The following NAALADL2 variants were observed in gnomAD, a reference collection of about 807,000 sequenced individuals.
NAALADL2 encodes inactive N-acetylated-alpha-linked acidic dipeptidase-like protein 2.
NAALADL2 carries 76 observed loss-of-function variants against 87.2 expected under a neutral mutation model. That is an observed-to-expected ratio of 0.87 (90% CI 0.72 to 1.05). The LOEUF is 1.05. Among genes scored for constraint, NAALADL2 ranks in the 50% least tolerant of loss-of-function variants. The pLI, the probability that NAALADL2 is intolerant of heterozygous loss-of-function variation, is 0.00. For synonymous variants in NAALADL2, 354 were observed against 331.0 expected (o/e 1.07, Z -0.75); for missense variants, 1,089 against 945.8 (o/e 1.15, Z -1.99).
At chr3:174,534,768 A>G (rs534938948) in intron 1 of NAALADL2, among the ~76,000 whole-genome samples, 2 of 152,124 alleles carry the variant, frequency 1.3e-5, no homozygotes, top group Non-Finnish European at 2.9e-5. Flanking sequence ...CCCTCTCCAG[A>G]GTTGCTTGGA....
chr3:175,071,287 A>C (rs1337766090), intron 1 of NAALADL2, among the ~76,000 whole-genome samples: 2 of 152,144 alleles, frequency 1.3e-5, no homozygotes, highest in East Asian at 3.9e-4. Flanking sequence ...CTATGCTAAG[A>C]TATTTTAAAT....
chr3:175,114,655 G>A (rs1348273437), intron 2 of NAALADL2, among the ~76,000 whole-genome samples: 1 of 151,498 alleles, frequency 6.6e-6, no homozygotes, highest in Non-Finnish European at 1.5e-5. Flanking sequence ...AAAACTAAAT[G>A]GATATTCTAG....
intron 1 of NAALADL2, among the ~76,000 whole-genome samples, chr3:174,546,675 G>C (rs1263889819): frequency 6.6e-6 from 1 of 151,904 alleles, no homozygotes; most frequent in Non-Finnish European, 1.5e-5. Context: ...GTTTTGTTTT[G>C]TAGACAGAGT....
intron 3 of NAALADL2, among the ~76,000 whole-genome samples, chr3:174,810,753 T>G (rs1027840274): frequency 6.6e-6 from 1 of 152,076 alleles, no homozygotes; most frequent in Non-Finnish European, 1.5e-5. Flanking sequence ...CTGCAGAAAT[T>G]TCTATTACTA....
At chr3:174,728,438 T>C (rs534498171) in intron 2 of NAALADL2, among the ~76,000 whole-genome samples, 3 of 152,202 alleles carry the variant, frequency 2.0e-5, no homozygotes, top group South Asian at 4.1e-4. Flanking sequence ...TATATTCCAA[T>C]AATGCTATTA....
intron 13 of NAALADL2, among the ~76,000 whole-genome samples, chr3:175,791,157 G>A (rs1395032653): frequency 1.3e-5 from 2 of 152,154 alleles, no homozygotes; most frequent in East Asian, 1.9e-4. Flanking sequence ...TTTAATATGA[G>A]GGGAAAAATG....
At chr3:175,428,749 C>T (rs187898896) in intron 5 of NAALADL2, among the ~76,000 whole-genome samples, 1 of 152,194 alleles carries the variant, frequency 6.6e-6, no homozygotes, top group Admixed American at 6.6e-5. Context: ...TCATTGCATC[C>T]TCTTTTAAAG....
intron 5 of NAALADL2, among the ~76,000 whole-genome samples, chr3:175,429,886 A>G (rs1187185179): frequency 2.0e-5 from 3 of 152,026 alleles, no homozygotes; most frequent in Non-Finnish European, 4.4e-5. Context: ...AAAAGAAAGT[A>G]TAATAATAAC....
intron 12 of NAALADL2, among the ~76,000 whole-genome samples, chr3:175,752,102 A>T (rs769825615): frequency 1.3e-5 from 2 of 152,090 alleles, no homozygotes; most frequent in Admixed American, 6.6e-5. Flanking sequence ...ATAATTCAAC[A>T]TTCACTCAAC....
intron 5 of NAALADL2, among the ~76,000 whole-genome samples, chr3:175,422,231 A>G (rs1715829553): frequency 6.6e-6 from 1 of 152,112 alleles, no homozygotes; most frequent in South Asian, 2.1e-4. Flanking sequence ...CGTTGACCTC[A>G]TGGAGTGATT....
At chr3:175,724,181 CGTG>C (rs1471449209) in intron 11 of NAALADL2, among the ~76,000 whole-genome samples, 1 of 152,010 alleles carries the variant, frequency 6.6e-6, no homozygotes, top group East Asian at 1.9e-4. Flanking sequence ...GGTCATATCA[CGTG>C]GTTTAACTGG....
intron 5 of NAALADL2, among the ~76,000 whole-genome samples, chr3:175,335,480 T>C (rs1171712569): frequency 1.3e-5 from 2 of 152,224 alleles, no homozygotes; most frequent in African/African-American, 4.8e-5. Flanking sequence ...CAAAGCAGAC[T>C]CTAAGAACCA....
At chr3:175,225,471 C>T (rs746725149) in intron 2 of NAALADL2, among the ~76,000 whole-genome samples, 22 of 151,786 alleles carry the variant, frequency 1.4e-4, no homozygotes, top group African/African-American at 3.1e-4. Flanking sequence ...TCTTTTAAAA[C>T]GCTTAATTTT....
intron 6 of NAALADL2, among the ~76,000 whole-genome samples, chr3:175,458,028 G>T (rs1722580407): frequency 6.6e-6 from 1 of 151,940 alleles, no homozygotes; most frequent in Non-Finnish European, 1.5e-5. Flanking sequence ...GGCAGTAATA[G>T]CAACTTCAGC....
At chr3:175,210,881 C>G (rs1189729639) in intron 2 of NAALADL2, among the ~76,000 whole-genome samples, 1 of 151,688 alleles carries the variant, frequency 6.6e-6, no homozygotes, top group Non-Finnish European at 1.5e-5. Context: ...TTTAAAATTA[C>G]TATGATTATA....
rs148894984 is a variant in NAALADL2 at position 175,351,443 on chromosome 3, G to A, written c.1090+27118G>A. On this transcript the variant is annotated intron_variant, in intron 5 of 13. Transcript: ENST00000454872. ...GTATGTATATGCACACACAATCCAC[G>A]TCCAAACAAGTATTTTCCAAATAAT... Among the ~76,000 whole-genome samples the A allele has an allele frequency of 4.2e-3, 592 of 141,544 alleles. 2 individuals are homozygous for A. Among genetic ancestry groups the A allele is most frequent in the Middle Eastern group, 0.011 (3 of 270 alleles). The allele number at this position is 141,544 out of a possible 152,430, so 92.9% of individuals were successfully genotyped here.
chr3:175,756,909 A>T (rs1747332248), intron 13 of NAALADL2, among the ~76,000 whole-genome samples: 1 of 151,638 alleles, frequency 6.6e-6, no homozygotes, highest in African/African-American at 2.4e-5. Context: ...TAATATATAC[A>T]TATATAATAT....
intron 4 of NAALADL2, among the ~76,000 whole-genome samples, chr3:175,265,970 T>C (rs1010500471): frequency 2.3e-4 from 23 of 100,900 alleles, no homozygotes; most frequent in African/African-American, 8.0e-4. Flanking sequence ...GCAAACACTA[T>C]TGGGTTTATA....
chr3:175,087,293 C>A (rs1719167159), intron 1 of NAALADL2, among the ~76,000 whole-genome samples: 1 of 152,148 alleles, frequency 6.6e-6, no homozygotes. Flanking sequence ...TGGGGGGCAG[C>A]CCCCGCCCTG....
Sources: allele counts gnomAD v4.1 joint callset (sites outside exome capture counted in the v4.1 genomes callset), GRCh38; gene constraint gnomAD v4.1.1; transcripts MANE v1.5; gene names NCBI Gene and HGNC (gene_info 2026-07-23, HGNC 2026-07-21).